Variants in CDKL5 observed in about 807,000 individuals in gnomAD.
The protein encoded by CDKL5 is cyclin-dependent kinase-like 5.
In CDKL5, 8 loss-of-function variants were observed where a neutral mutation model predicts 61.7. The ratio of observed to expected loss-of-function variants is 0.13; its 90% CI spans 0.08 to 0.23. CDKL5 has a LOEUF of 0.23. Ranked by LOEUF, CDKL5 falls within the 10% of genes least tolerant of loss-of-function variation. The pLI, the probability that CDKL5 is intolerant of heterozygous loss-of-function variation, is 1.00. For missense variants in CDKL5, 440 were observed against 734.5 expected, an observed-to-expected ratio of 0.60 and a Z score of 4.63; for synonymous variants, 275 against 272.3, an observed-to-expected ratio of 1.01 and a Z score of -0.10.
exon 22 of CDKL5, chrX:18,653,539 A>G: frequency 8.3e-7 from 1 of 1,211,953 alleles, no homozygotes. Context: ...ACTGACGGGC[A>G]AGTGACTTCT....
intron 7 of CDKL5, among the ~76,000 whole-genome samples, chrX:18,583,793 G>A (rs972178369): frequency 1.8e-5 from 2 of 111,979 alleles, no homozygotes; most frequent in African/African-American, 6.5e-5. Flanking sequence ...CACTGTTTAT[G>A]TAAAGGCTAG....
chrX:18,500,730 A>G (rs1922351150), intron 1 of CDKL5, among the ~76,000 whole-genome samples: 1 of 112,311 alleles, frequency 8.9e-6, no homozygotes, highest in Non-Finnish European at 1.9e-5. Context: ...ATATTCATAT[A>G]AAATTGCAGC....
At chrX:18,444,916 C>T (rs1432069773) in intron 1 of CDKL5, among the ~76,000 whole-genome samples, 5 of 110,854 alleles carry the variant, frequency 4.5e-5, no homozygotes, top group African/African-American at 1.6e-4. Flanking sequence ...CTCTTTTGGT[C>T]TAGTTTTGCA....
Position 18,604,213 on chromosome X carries a change from G to C in CDKL5, c.1289G>C (p.Gly430Ala). 1 of 1,211,411 alleles carries C rather than the reference G, an allele frequency of 8.3e-7. No homozygotes were observed. Among genetic ancestry groups the C allele is most frequent in the East Asian group, 3.0e-5 (1 of 33,833 alleles). The change falls in exon 12 of 18, where the codon GGG becomes GCG. Residue 430 changes from glycine (G) to alanine (A), a missense_variant. By Grantham distance (60) the Gly-to-Ala change is moderately conservative. Transcript: ENST00000623535. ...NIDPKPSEGP[G>A]TKYLKSNSRS... ...GACCCAAAGCCTTCAGAAGGCCCAG[G>C]GACAAAGTACCTCAAGTCAAACAGC...
intron 3 of CDKL5, among the ~76,000 whole-genome samples, chrX:18,530,271 G>A (rs975618780): frequency 1.9e-5 from 2 of 106,409 alleles, no homozygotes; most frequent in Non-Finnish European, 3.9e-5. Context: ...AGGCGACAGA[G>A]GTTGCAGTGA....
chrX:18,461,708 C>G (rs1159695294), intron 1 of CDKL5, among the ~76,000 whole-genome samples: 1 of 111,985 alleles, frequency 8.9e-6, no homozygotes, highest in Non-Finnish European at 1.9e-5. Context: ...TTTTGAAATT[C>G]TAGTTCAGCA....
intron 4 of CDKL5, among the ~76,000 whole-genome samples, chrX:18,568,268 G>T (rs1161091005): frequency 1.8e-5 from 2 of 111,878 alleles, no homozygotes; most frequent in African/African-American, 6.5e-5. Flanking sequence ...CTACTTTCTT[G>T]TTAAATTCAT....
intron 20 of CDKL5, chrX:18,647,245 C>T (rs373612815): frequency 8.3e-7 from 1 of 1,210,830 alleles, no homozygotes; most frequent in Non-Finnish European, 1.1e-6. Flanking sequence ...AGAATACCAG[C>T]CCACATACTG....
rs752120798 is a variant in CDKL5, at chrX:18,650,491, G to A, written c.2879G>A (p.Ser960Asn). Residue 960 changes from serine to asparagine, a missense_variant, in exon 21 of 22, where the codon AGT (serine) becomes AAT (asparagine). Physicochemically the swap from Ser to Asn is conservative, Grantham distance 46. Transcript: ENST00000379989. ...CGAGCCCTTCATCGTCCAATCTCCA[G>A]TCCTGCTCCCTATCCAGTACTCCAG... 1.7e-6 allele frequency: 2 copies of A among 1,211,932 alleles called. No individual in the cohort carries two copies. Among genetic ancestry groups the A allele is most frequent in the Admixed American group, 4.3e-5 (2 of 46,057 alleles).
chrX:18,553,468 G>T (rs941904337), intron 3 of CDKL5, among the ~76,000 whole-genome samples: 2 of 87,228 alleles, frequency 2.3e-5, no homozygotes, highest in African/African-American at 9.1e-5. Flanking sequence ...GTGTGTGCGT[G>T]TGTGTGTGTG....
At chrX:18,535,140 G>C (rs1923775976) in intron 3 of CDKL5, 1 of 112,889 alleles carries the variant, frequency 8.9e-6, no homozygotes, top group Admixed American at 9.5e-5. Context: ...GGTAAGGTGT[G>C]GTTCTCAGTC....
At chrX:18,622,691 A>G (rs1926924007) in intron 16 of CDKL5, among the ~76,000 whole-genome samples, 1 of 111,811 alleles carries the variant, frequency 8.9e-6, no homozygotes, top group Non-Finnish European at 1.9e-5. Context: ...ATTCACTGGT[A>G]TAGGAACTGA....
At position 18,650,359 on chromosome X, in the gene CDKL5, C is replaced by T. The variant is rs376982458; in HGVS notation, c.2798-51C>T. On this transcript the variant is annotated intron_variant, in intron 20 of 21. Coordinates refer to the CDKL5 transcript ENST00000379989. ...TCAGCTGGTGTCTGGGAGCCGATGC[C>T]TGCCTCCCGGGCCCCAAGCTTCATT... 27 of 1,156,505 alleles carry T rather than the reference C, an allele frequency of 2.3e-5. No homozygotes were observed. In the African/African-American group the frequency reaches 2.8e-4, roughly 12 times the overall value.
intron 10 of CDKL5, among the ~76,000 whole-genome samples, chrX:18,597,701 A>G (rs1268651935): frequency 4.7e-5 from 5 of 105,281 alleles, no homozygotes; most frequent in African/African-American, 1.8e-4. Flanking sequence ...GGTTCAGGCA[A>G]TTCTCCTACC....
intron 3 of CDKL5, among the ~76,000 whole-genome samples, chrX:18,525,390 C>T (rs186296181): frequency 2.7e-5 from 3 of 111,847 alleles, no homozygotes; most frequent in Non-Finnish European, 5.6e-5. Flanking sequence ...TGAGCCACCG[C>T]GCCCAGCCTA....
At chrX:18,617,350 G>A (rs1427203099) in intron 15 of CDKL5, among the ~76,000 whole-genome samples, 2 of 111,707 alleles carry the variant, frequency 1.8e-5, no homozygotes, top group Non-Finnish European at 3.8e-5. Flanking sequence ...CTCTGAGATT[G>A]ATGTGAACCC....
rs907995869 is a variant in CDKL5 at position 18,638,082 on chromosome X, G to A, written c.*9325G>A. ...CAACCAAGCCCCAAGTGGACAGAAA[G>A]ATGGGGTTCTGTGAGCATCCATTCC... is the stretch of plus-strand genomic sequence containing the variant. On this transcript the variant is annotated 3_prime_UTR_variant, in exon 18 of 18. Coordinates refer to ENST00000623535, the MANE Select transcript of CDKL5 (RefSeq NM_001323289.2). The A allele has an allele frequency of 9.0e-6, 1 of 111,472 alleles. No individual in the cohort carries two copies. Among genetic ancestry groups the A allele is most frequent in the Admixed American group, 9.5e-5 (1 of 10,475 alleles). 9.2% of individuals were successfully genotyped at this position (111,472 alleles called of 1,213,427 possible). A position where few individuals can be genotyped will look rare whatever the true frequency, so the allele number is the denominator to read the frequency against.
chrX:18,535,990 A>G (rs1923812313), intron 3 of CDKL5: 1 of 112,104 alleles, frequency 8.9e-6, no homozygotes, highest in African/African-American at 3.2e-5. Flanking sequence ...GCAGGCAGGA[A>G]GTACCCCCTC....
intron 20 of CDKL5, chrX:18,650,312 C>T (rs1018915709): frequency 1.8e-5 from 14 of 789,893 alleles, no homozygotes; most frequent in Middle Eastern, 3.4e-4. Context: ...GGGAAGGTGA[C>T]GCTCTCACTG....
Sources: gnomAD v4.1 joint callset for allele counts (sites outside exome capture counted in the v4.1 genomes callset) on GRCh38, gnomAD v4.1.1 for gene constraint, MANE v1.5 for transcripts, NCBI Gene and HGNC (gene_info 2026-07-23, HGNC 2026-07-21) for gene names.